Variants in ANK2 observed in about 807,000 individuals in gnomAD.
ANK2 encodes the protein ankyrin-2.
Under a neutral mutation model 360.5 loss-of-function variants are expected in ANK2, and 83 were observed. The observed-to-expected ratio is 0.23, with a 90% confidence interval of 0.19 to 0.28. The LOEUF (loss-of-function observed/expected upper bound fraction) is 0.28, where lower values mean the gene tolerates loss of function less well. Ranked by LOEUF, ANK2 falls within the 10% of genes least tolerant of loss-of-function variation. ANK2 has a pLI of 1.00. For missense variants in ANK2, 4,201 were observed against 4,795.7 expected (o/e 0.88, Z 3.66); for synonymous variants, 1,740 against 1,759.5 (o/e 0.99, Z 0.28).
intron 21 of ANK2, 29 bp downstream of exon 21, chr4:113,292,543 C>T (rs1229643936): frequency 3.8e-6 from 6 of 1,559,382 alleles, no homozygotes; most frequent in Admixed American, 1.8e-5. Flanking sequence ...CCCCTCACCA[C>T]GCTTTCTTCT....
intron 2 of ANK2, among the ~76,000 whole-genome samples, chr4:112,909,733 G>A (rs1248148981): frequency 6.6e-6 from 1 of 152,180 alleles, no homozygotes; most frequent in Admixed American, 6.5e-5. Flanking sequence ...ACCCTACCTG[G>A]AACCAATTCC....
chr4:112,914,539 C>G (rs2089016605), intron 2 of ANK2, among the ~76,000 whole-genome samples: 1 of 152,156 alleles, frequency 6.6e-6, no homozygotes, highest in African/African-American at 2.4e-5. Flanking sequence ...AGAAGAATCA[C>G]TTGAACCCAG....
chr4:112,780,995 TA>T, the ANK2 span, among the ~76,000 whole-genome samples: 1 of 152,190 alleles, frequency 6.6e-6, no homozygotes, highest in Non-Finnish European at 1.5e-5. Context: ...TTTTCTTTCT[TA>T]AAAAAAGTTA....
chr4:112,986,339 G>A (rs192844537), intron 2 of ANK2, among the ~76,000 whole-genome samples: 28 of 152,308 alleles, frequency 1.8e-4, no homozygotes, highest in African/African-American at 4.8e-4. Flanking sequence ...CATAGAATTT[G>A]AGGTGTTTAC....
At chr4:112,774,620 C>T in the ANK2 span, among the ~76,000 whole-genome samples, 1 of 152,188 alleles carries the variant, frequency 6.6e-6, no homozygotes, top group Non-Finnish European at 1.5e-5. Flanking sequence ...TTGCCATGGG[C>T]AGCAGAAAGA....
the ANK2 span, among the ~76,000 whole-genome samples, chr4:112,782,825 C>T: frequency 6.6e-6 from 1 of 151,446 alleles, no homozygotes. Context: ...GCTGAGATTG[C>T]ACCACTGCAC....
the ANK2 span, among the ~76,000 whole-genome samples, chr4:112,754,649 T>C: frequency 6.6e-6 from 1 of 152,240 alleles, no homozygotes; most frequent in East Asian, 1.9e-4. Context: ...AGGCAGCCAT[T>C]GGCTAGAGCA....
intron 1 of ANK2, among the ~76,000 whole-genome samples, chr4:113,076,955 C>T (rs1181841613): frequency 6.6e-6 from 1 of 151,036 alleles, no homozygotes; most frequent in Non-Finnish European, 1.5e-5. Context: ...CTGGTTGGTG[C>T]TGGATGTTTT....
chr4:113,288,173 C>A (rs1226359518), intron 19 of ANK2, among the ~76,000 whole-genome samples: 1 of 152,118 alleles, frequency 6.6e-6, no homozygotes, highest in East Asian at 1.9e-4. Flanking sequence ...TCTCTTAGTT[C>A]TTTGCAGATT....
At chr4:112,814,821 AT>A, upstream of ANK2, among the ~76,000 whole-genome samples, 1 of 152,218 alleles carries the variant, frequency 6.6e-6, no homozygotes, top group East Asian at 1.9e-4. Context: ...AACTCTATAG[AT>A]TTTGGAAGGA....
intron 1 of ANK2, among the ~76,000 whole-genome samples, chr4:113,139,894 AC>A (rs1477081027): frequency 6.6e-6 from 1 of 152,252 alleles, no homozygotes; most frequent in Non-Finnish European, 1.5e-5. Flanking sequence ...GTTTGTGGGC[AC>A]ATGAATAGCT....
At chr4:113,123,540 A>G (rs2095493182) in intron 1 of ANK2, among the ~76,000 whole-genome samples, 1 of 152,176 alleles carries the variant, frequency 6.6e-6, no homozygotes, top group Non-Finnish European at 1.5e-5. Flanking sequence ...GACTTTTCTC[A>G]AATTCTGGAT....
chr4:113,165,411 G>T (rs1019244498), intron 1 of ANK2, among the ~76,000 whole-genome samples: 3 of 152,082 alleles, frequency 2.0e-5, no homozygotes, highest in African/African-American at 7.2e-5. Context: ...TGTTACTTTG[G>T]TTATTAAAAA....
chr4:113,369,429 C>G lies in ANK2; in HGVS notation c.11319-85C>G. ...CTGTCATAGACTATGGAAAAACCAG[C>G]TCCATCTTGCCTTTCGATTTCCTTG... On this transcript the variant is annotated intron_variant, in intron 42 of 45. Coordinates refer to ENST00000357077, the MANE Select transcript of ANK2 (RefSeq NM_001148.6). 19 of 1,430,710 alleles carry G rather than the reference C, an allele frequency of 1.3e-5. No homozygotes were observed. In the South Asian group the frequency reaches 2.2e-4, roughly 16 times the overall value. 88.6% of individuals were successfully genotyped at this position (1,430,710 alleles called of 1,614,324 possible). A position where few individuals can be genotyped will look rare whatever the true frequency, so the allele number is the denominator to read the frequency against.
intron 5 of ANK2, among the ~76,000 whole-genome samples, chr4:113,234,107 T>A (rs1450831239): frequency 2.1e-4 from 32 of 152,338 alleles, no homozygotes; most frequent in Non-Finnish European, 2.9e-5. Context: ...ATTTACCAAA[T>A]AGACTTAAGG....
At chr4:113,240,631 T>C (rs1434679296) in intron 8 of ANK2, 48 bp downstream of exon 8, 1 of 1,504,440 alleles carries the variant, frequency 6.6e-7, no homozygotes, top group South Asian at 1.1e-5. Context: ...AAATGAATAT[T>C]TTAATAAAGT....
the ANK2 span, among the ~76,000 whole-genome samples, chr4:112,793,085 T>TTATACTATTAAAA: frequency 2.2e-3 from 331 of 152,274 alleles, 1 homozygote; most frequent in African/African-American, 7.5e-3. Flanking sequence ...GAACCTCAAT[T>TTATACTATTAAAA]TATACTATTA....
intron 1 of ANK2, among the ~76,000 whole-genome samples, chr4:112,899,688 T>A (rs2082727217): frequency 6.6e-6 from 1 of 152,250 alleles, no homozygotes; most frequent in South Asian, 2.1e-4. Context: ...TTTTCTCTGC[T>A]TTTCATCAAT....
At chr4:112,827,350 C>G in intron 1 of ANK2, 16 of 1,302,724 alleles carry the variant, frequency 1.2e-5, no homozygotes, top group Non-Finnish European at 1.8e-5. Flanking sequence ...GCAACTGGAA[C>G]TTGAACAGAT....
Sources: gnomAD v4.1 joint callset for allele counts (sites outside exome capture counted in the v4.1 genomes callset) on GRCh38, gnomAD v4.1.1 for gene constraint, MANE v1.5 for transcripts, NCBI Gene and HGNC (gene_info 2026-07-23, HGNC 2026-07-21) for gene names.